The following FRMD5 variants were observed in gnomAD, a reference collection of about 807,000 sequenced individuals.
FRMD5 encodes FERM domain-containing protein 5.
In FRMD5, 20 loss-of-function variants were observed where a neutral mutation model predicts 69.0. The observed-to-expected ratio is 0.29, with a 90% CI of 0.20 to 0.42. The LOEUF (loss-of-function observed/expected upper bound fraction) is 0.42. Ranked by LOEUF, FRMD5 falls within the 10% of genes least tolerant of loss-of-function variation. The pLI, the probability that FRMD5 is intolerant of heterozygous loss-of-function variation, is 1.00. For missense variants in FRMD5, 595 were observed against 708.6 expected (o/e 0.84, Z 1.82); for synonymous variants, 271 against 260.1 (o/e 1.04, Z -0.40).
At chr15:43,882,746 G>T (rs1291172693) in intron 13 of FRMD5, among the ~76,000 whole-genome samples, 3 of 152,172 alleles carry the variant, frequency 2.0e-5, no homozygotes, top group African/African-American at 7.2e-5. Flanking sequence ...TTGGTTAACA[G>T]TCTCAGCCAT....
Position 43,873,204 on chromosome 15 carries a change from G to T in FRMD5, c.*681C>A, listed in dbSNP as rs1225719550. The stretch of plus-strand genomic sequence containing the variant: ...TGATGCTGCTGTTGCTGTAGCGGTG[G>T]TCCCTTCAGATGCCCACTCTGCTCA... On this transcript the variant is annotated 3_prime_UTR_variant, in exon 14 of 14. Coordinates refer to ENST00000417257, the MANE Select transcript of FRMD5 (RefSeq NM_032892.5). 1 of 1,550,488 alleles carries T rather than the reference G, an allele frequency of 6.4e-7. No individual in the cohort carries two copies. Among genetic ancestry groups the T allele is most frequent in the South Asian group, 1.2e-5 (1 of 84,052 alleles).
At chr15:44,021,729 G>T (rs1305660770) in intron 1 of FRMD5, among the ~76,000 whole-genome samples, 1 of 152,140 alleles carries the variant, frequency 6.6e-6, no homozygotes, top group Non-Finnish European at 1.5e-5. Context: ...TATGTAAAAT[G>T]TTATGGTCGC....
At chr15:43,880,792 C>CT (rs1430958730) in intron 13 of FRMD5, among the ~76,000 whole-genome samples, 1 of 152,224 alleles carries the variant, frequency 6.6e-6, no homozygotes, top group Non-Finnish European at 1.5e-5. Flanking sequence ...AGGAAGTGCC[C>CT]TGGCCCTAGG....
chr15:43,898,986 G>T (rs961560547), intron 7 of FRMD5, among the ~76,000 whole-genome samples: 2 of 152,158 alleles, frequency 1.3e-5, no homozygotes, highest in Non-Finnish European at 2.9e-5. Flanking sequence ...ATCAGTCCAG[G>T]GGACAGAGCC....
chr15:44,094,012 C>A (rs1234188302), intron 1 of FRMD5, among the ~76,000 whole-genome samples: 1 of 152,160 alleles, frequency 6.6e-6, no homozygotes, highest in Non-Finnish European at 1.5e-5. Flanking sequence ...AAAGACCATA[C>A]CTCCACATTG....
At position 44,129,129 on chromosome 15, in the gene FRMD5, A is replaced by C. The variant is rs1595497911; in HGVS notation, c.102+65824T>G. Among the ~76,000 whole-genome samples, 5 of 152,232 alleles carry C rather than the reference A, an allele frequency of 3.3e-5. No homozygotes were observed. The South Asian group carries it at 1.0e-3, about 32-fold the overall frequency. On this transcript the variant is annotated intron_variant, in intron 1 of 13. Transcript: ENST00000417257. ...TTAATCCAAATAGCCCTTAAGGATC[A>C]ATGTCAATTATATTGGAAACATGTA...
At chr15:43,967,878 A>G (rs928154150) in intron 1 of FRMD5, among the ~76,000 whole-genome samples, 1 of 152,014 alleles carries the variant, frequency 6.6e-6, no homozygotes, top group Non-Finnish European at 1.5e-5. Flanking sequence ...TTTAAGCCCC[A>G]CATGTATTAG....
chr15:43,958,666 T>C (rs2090151921), intron 1 of FRMD5, among the ~76,000 whole-genome samples: 1 of 152,194 alleles, frequency 6.6e-6, no homozygotes, highest in Admixed American at 6.5e-5. Flanking sequence ...ATTCCTGGAC[T>C]CAAGCAATCT....
At chr15:44,117,318 C>A (rs1268104610) in intron 1 of FRMD5, among the ~76,000 whole-genome samples, 2 of 152,122 alleles carry the variant, frequency 1.3e-5, no homozygotes, top group Non-Finnish European at 2.9e-5. Flanking sequence ...AGAAAATATT[C>A]CTGCTTGCTC....
At chr15:44,025,863 A>T (rs933686829) in intron 1 of FRMD5, among the ~76,000 whole-genome samples, 2 of 152,216 alleles carry the variant, frequency 1.3e-5, no homozygotes, top group African/African-American at 4.8e-5. Context: ...TTTGTTAAAC[A>T]GGATAAGTTC....
At chr15:44,070,143 A>G (rs1374723209) in intron 1 of FRMD5, among the ~76,000 whole-genome samples, 1 of 152,084 alleles carries the variant, frequency 6.6e-6, no homozygotes, top group African/African-American at 2.4e-5. Context: ...GTGATGGCAT[A>G]AGTGCCTCAA....
chr15:44,118,384 G>A (rs956993922), intron 1 of FRMD5, among the ~76,000 whole-genome samples: 1 of 151,906 alleles, frequency 6.6e-6, no homozygotes, highest in Non-Finnish European at 1.5e-5. Flanking sequence ...GTCTTTCTGG[G>A]GCTCTAAAAA....
At chr15:43,953,251 A>T (rs1481766552) in intron 1 of FRMD5, among the ~76,000 whole-genome samples, 1 of 152,244 alleles carries the variant, frequency 6.6e-6, no homozygotes, top group African/African-American at 2.4e-5. Flanking sequence ...CCAGGGGAGC[A>T]AAACTGCACA....
intron 1 of FRMD5, among the ~76,000 whole-genome samples, chr15:43,959,685 C>T (rs900020396): frequency 2.0e-5 from 3 of 152,128 alleles, no homozygotes; most frequent in Non-Finnish European, 4.4e-5. Flanking sequence ...TAGAAACATG[C>T]CTACCTTTTG....
chr15:43,874,608 G>A (rs1326595866), intron 13 of FRMD5, 146 bp from the exon 14 acceptor site: 3 of 643,302 alleles, frequency 4.7e-6, no homozygotes, highest in Non-Finnish European at 8.2e-6. Flanking sequence ...GATATATCGA[G>A]AAGACGACAG....
At chr15:44,056,029 AT>A (rs1021417465) in intron 1 of FRMD5, among the ~76,000 whole-genome samples, 3 of 152,186 alleles carry the variant, frequency 2.0e-5, no homozygotes, top group Non-Finnish European at 4.4e-5. Flanking sequence ...TCCCTTATTC[AT>A]TAATCAACAT....
rs566466713 is a variant in FRMD5, at chr15:43,962,456, G to A, written c.103-38147C>T. Reference sequence around the variant, plus strand: ...CCATGCTCATGGGTAGGAAGAATCAGTATCGTGAAAATGGCCATACTGCCC... The same window carrying A: ...CCATGCTCATGGGTAGGAAGAATCAATATCGTGAAAATGGCCATACTGCCC... On this transcript the variant is annotated intron_variant, in intron 1 of 13. Transcript: ENST00000417257. Among the ~76,000 whole-genome samples the A allele has an allele frequency of 4.5e-4, 68 of 152,262 alleles. 1 individual carries two copies. In the South Asian group the frequency reaches 0.01, roughly 23 times the overall value.
chr15:44,174,015 T>C (rs373800995), intron 1 of FRMD5, among the ~76,000 whole-genome samples: 1 of 152,134 alleles, frequency 6.6e-6, no homozygotes, highest in East Asian at 1.9e-4. Context: ...ATAGGTAGTA[T>C]GAAGCAGAGC....
rs148628773 is a variant in FRMD5, at chr15:43,883,265, T to C, written c.1135+438A>G. Among the ~76,000 whole-genome samples the C allele has an allele frequency of 1.7e-3, 252 of 152,106 alleles. 8 individuals carry two copies. The East Asian group carries it at 0.041, about 25-fold the overall frequency. On this transcript the variant is annotated intron_variant, in intron 13 of 13. Transcript: ENST00000417257. ...GTCATGTGCCACCACGCCCAGCTAGTTTTTGTATTTTTAGTAGAGACAGGG... is the reference window on the plus strand; with the variant it reads ...GTCATGTGCCACCACGCCCAGCTAGCTTTTGTATTTTTAGTAGAGACAGGG...
Sources: allele counts gnomAD v4.1 joint callset (sites outside exome capture counted in the v4.1 genomes callset), GRCh38; gene constraint gnomAD v4.1.1; transcripts MANE v1.5; gene names NCBI Gene and HGNC (gene_info 2026-07-23, HGNC 2026-07-21).